Variants in NXPH1 observed in about 807,000 individuals in gnomAD.
NXPH1 encodes the protein neurexophilin-1.
In NXPH1, 5 loss-of-function variants were observed where a neutral mutation model predicts 23.7. The observed-to-expected ratio is 0.21, with a 90% confidence interval of 0.11 to 0.44. The LOEUF is 0.44. Ranked by LOEUF, NXPH1 falls within the 20% of genes least tolerant of loss-of-function variation. The probability of loss-of-function intolerance (pLI) is 0.99; values close to 1 mark genes in which losing one functional copy is unlikely to be tolerated. For synonymous variants in NXPH1, 144 were observed against 122.2 expected (o/e 1.18, Z -1.18); for missense variants, 324 against 321.6 (o/e 1.01, Z -0.06).
intron 2 of NXPH1, among the ~76,000 whole-genome samples, chr7:8,634,102 C>T (rs1820176625): frequency 6.6e-6 from 1 of 151,958 alleles, no homozygotes; most frequent in Non-Finnish European, 1.5e-5. Context: ...TTTTCATTTC[C>T]TGGTGATGTC....
At chr7:8,740,495 T>C (rs188069948) in intron 2 of NXPH1, among the ~76,000 whole-genome samples, 278 of 152,324 alleles carry the variant, frequency 1.8e-3, no homozygotes, top group African/African-American at 6.1e-3. Flanking sequence ...TAGACAATGA[T>C]GAAGTAGCAG....
rs532060731 is a variant in NXPH1 at position 8,734,048 on chromosome 7, G to T, written c.55-16960G>T. On this transcript the variant is annotated intron_variant, in intron 2 of 2. Coordinates refer to ENST00000405863, the MANE Select transcript of NXPH1 (RefSeq NM_152745.3). Reference sequence around the variant, plus strand: ...TTTAATCCATACTGAGTTAATTTTTGTATAAGGTGTAAGGAAGGGGTCCAG... The same window carrying T: ...TTTAATCCATACTGAGTTAATTTTTTTATAAGGTGTAAGGAAGGGGTCCAG... Among the ~76,000 whole-genome samples, 3 of 152,238 alleles carry T rather than the reference G, an allele frequency of 2.0e-5. No homozygotes were observed. In the South Asian group the frequency reaches 6.2e-4, roughly 32 times the overall value.
chr7:8,583,777 G>T, intron 2 of NXPH1, among the ~76,000 whole-genome samples: 1 of 152,304 alleles, frequency 6.6e-6, no homozygotes, highest in African/African-American at 2.4e-5. Flanking sequence ...AGGGCAGGTA[G>T]TCCCCTCCCA....
intron 2 of NXPH1, among the ~76,000 whole-genome samples, chr7:8,687,716 TATG>T (rs1009527295): frequency 6.6e-6 from 1 of 152,112 alleles, no homozygotes; most frequent in Non-Finnish European, 1.5e-5. Flanking sequence ...TACGGAGCAA[TATG>T]ATGATATCTG....
chr7:8,536,853 G>A (rs1294561519), intron 2 of NXPH1, among the ~76,000 whole-genome samples: 1 of 151,870 alleles, frequency 6.6e-6, no homozygotes, highest in Non-Finnish European at 1.5e-5. Context: ...AGGGTGAGAA[G>A]GAAATAAAGA....
intron 2 of NXPH1, among the ~76,000 whole-genome samples, chr7:8,682,021 AG>A (rs1394986171): frequency 6.6e-6 from 1 of 152,194 alleles, no homozygotes; most frequent in Non-Finnish European, 1.5e-5. Flanking sequence ...AAACAGGAGG[AG>A]GAAGAGAAGT....
At chr7:8,729,844 T>A (rs1265716957) in intron 2 of NXPH1, among the ~76,000 whole-genome samples, 2 of 151,554 alleles carry the variant, frequency 1.3e-5, no homozygotes, top group African/African-American at 2.4e-5. Context: ...GTTCTGTAGA[T>A]GTCTATTAGG....
intron 2 of NXPH1, among the ~76,000 whole-genome samples, chr7:8,728,075 T>C (rs559527360): frequency 2.7e-3 from 399 of 150,414 alleles, no homozygotes; most frequent in Middle Eastern, 0.014. Flanking sequence ...GTTGGATTCC[T>C]AGGTATTTTA....
intron 2 of NXPH1, among the ~76,000 whole-genome samples, chr7:8,437,892 A>G (rs963687718): frequency 1.3e-5 from 2 of 152,262 alleles, no homozygotes; most frequent in Non-Finnish European, 2.9e-5. Flanking sequence ...AACAATACGA[A>G]ATGTGAACAA....
intron 2 of NXPH1, among the ~76,000 whole-genome samples, chr7:8,573,623 A>G (rs745310826): frequency 2.8e-4 from 42 of 152,170 alleles, no homozygotes; most frequent in Non-Finnish European, 1.6e-4. Context: ...AAGCTCTTAA[A>G]TGCCAAACTA....
chr7:8,538,299 A>T (rs1435600578), intron 2 of NXPH1, among the ~76,000 whole-genome samples: 1 of 151,902 alleles, frequency 6.6e-6, no homozygotes, highest in Non-Finnish European at 1.5e-5. Flanking sequence ...TTTTTCTTCT[A>T]GGCCCCTTCT....
At chr7:8,437,127 T>A (rs1002057849) in intron 2 of NXPH1, among the ~76,000 whole-genome samples, 2 of 152,170 alleles carry the variant, frequency 1.3e-5, no homozygotes, top group Admixed American at 6.5e-5. Context: ...CACCTTGGGG[T>A]AAACAGGTGA....
At chr7:8,564,438 C>A (rs1016789715) in intron 2 of NXPH1, among the ~76,000 whole-genome samples, 3 of 151,696 alleles carry the variant, frequency 2.0e-5, no homozygotes, top group African/African-American at 7.3e-5. Context: ...CTCTTCCCAA[C>A]TGCTGCCAGA....
intron 2 of NXPH1, among the ~76,000 whole-genome samples, chr7:8,530,114 C>T (rs1004795607): frequency 1.3e-5 from 2 of 152,026 alleles, no homozygotes; most frequent in Non-Finnish European, 2.9e-5. Context: ...ACACTTACCA[C>T]GGGATGTAGA....
chr7:8,569,343 T>C (rs1436993021), intron 2 of NXPH1, among the ~76,000 whole-genome samples: 1 of 151,934 alleles, frequency 6.6e-6, no homozygotes. Flanking sequence ...GTTGTTAGGA[T>C]TTAAATTCAA....
chr7:8,454,684 G>A (rs1032906895), intron 2 of NXPH1, among the ~76,000 whole-genome samples: 3 of 152,234 alleles, frequency 2.0e-5, no homozygotes, highest in South Asian at 4.1e-4. Flanking sequence ...AAAGAGAAAC[G>A]TGGCTCTAGA....
intron 2 of NXPH1, among the ~76,000 whole-genome samples, chr7:8,750,439 C>T (rs1453279584): frequency 6.6e-6 from 1 of 152,108 alleles, no homozygotes; most frequent in Admixed American, 6.6e-5. Context: ...TCTAAGTTCC[C>T]TCCCCTCACC....
chr7:8,589,008 T>G (rs919865841), intron 2 of NXPH1, among the ~76,000 whole-genome samples: 7 of 152,164 alleles, frequency 4.6e-5, no homozygotes, highest in Non-Finnish European at 4.4e-5. Flanking sequence ...AAGTTTGTAA[T>G]TTAAGAATAA....
At chr7:8,623,684 T>TATTTTTTTTTTTTCTTTCTCTGCCCCTA (rs879750283) in intron 2 of NXPH1, among the ~76,000 whole-genome samples, 127 of 150,070 alleles carry the variant, frequency 8.5e-4, no homozygotes, top group South Asian at 1.1e-3. Context: ...AAGTTCTTAT[T>TATTTTTTTTTTTTCTTTCTCTGCCCCTA]TTTAAGAGAT....
Sources: gnomAD v4.1 joint callset for allele counts (sites outside exome capture counted in the v4.1 genomes callset) on GRCh38, gnomAD v4.1.1 for gene constraint, MANE v1.5 for transcripts, NCBI Gene and HGNC (gene_info 2026-07-23, HGNC 2026-07-21) for gene names.